The following IGLL5 variants were observed in gnomAD, a reference collection of about 807,000 sequenced individuals.
The protein encoded by IGLL5 is immunoglobulin lambda-like polypeptide 5.
A neutral mutation model predicts 20.9 loss-of-function variants in IGLL5; 30 were observed. The ratio of observed to expected loss-of-function variants is 1.44; its 90% CI spans 1.07 to 1.95. The LOEUF (loss-of-function observed/expected upper bound fraction) is 1.95, where lower values mean the gene tolerates loss of function less well. Ranked by LOEUF, IGLL5 falls within the 30% of genes most tolerant of loss-of-function variation. The probability of loss-of-function intolerance (pLI) is 0.00; values close to 1 mark genes in which losing one functional copy is unlikely to be tolerated. For missense variants in IGLL5, 475 were observed against 270.7 expected (o/e 1.75, Z -5.30); for synonymous variants, 203 against 117.3 (o/e 1.73, Z -4.72).
intron 2 of IGLL5, among the ~76,000 whole-genome samples, chr22:22,895,085 A>G (rs2066722164): frequency 6.6e-6 from 1 of 151,290 alleles, no homozygotes; most frequent in African/African-American, 2.4e-5. Context: ...GAGATCAGAG[A>G]AGAAGGAACA....
chr22:22,895,019 T>C (rs1385151258), intron 2 of IGLL5, among the ~76,000 whole-genome samples: 1 of 151,166 alleles, frequency 6.6e-6, no homozygotes, highest in African/African-American at 2.4e-5. Context: ...GAGGGGGGTA[T>C]AGGGATGGAA....
At chr22:22,893,937 CT>C (rs2067952746) in intron 2 of IGLL5, 119 bp downstream of exon 2, 3 of 773,084 alleles carry the variant, frequency 3.9e-6, no homozygotes, top group East Asian at 2.5e-5. Context: ...TGACCCTTAC[CT>C]TTCTCCATGG....
Position 22,887,940 on chromosome 22 carries a change from C to T in IGLL5, c.-114C>T, listed in dbSNP as rs1601597096. 6 of 838,832 alleles carry T rather than the reference C, an allele frequency of 7.2e-6. No homozygotes were observed. Among genetic ancestry groups the T allele is most frequent in the African/African-American group, 5.1e-5 (3 of 59,246 alleles). The allele number at this position is 838,832 out of a possible 1,614,324, so 52.0% of individuals were successfully genotyped here. ...GAGCCAGTCCAGGGAGAGGACAGAG[C>T]CAATGGACTGGGGTGTACTGTAACA... On this transcript the variant is annotated 5_prime_UTR_variant, in exon 1 of 3. Transcript: ENST00000526893.
rs148995354 is a variant in IGLL5, at chr22:22,894,648, G to C, written c.326-727G>C. ...GAGAACTCCATGGCTACCAGGTGAA[G>C]TTTGGGGTCATCACAGGCTGCTGGG... On this transcript the variant is annotated intron_variant, in intron 2 of 2. Transcript: ENST00000526893. Among the ~76,000 whole-genome samples the C allele has an allele frequency of 3.3e-5, 5 of 150,250 alleles. 1 individual carries two copies. The highest frequency in any genetic ancestry group is 2.1e-4 in the South Asian group (1 of 4,700).
At chr22:22,889,752 T>C (rs2067749785) in intron 1 of IGLL5, among the ~76,000 whole-genome samples, 1 of 151,202 alleles carries the variant, frequency 6.6e-6, no homozygotes, top group African/African-American at 2.4e-5. Flanking sequence ...TACACCTGGC[T>C]AATTTTGATT....
At chr22:22,894,190 G>C (rs950532512) in intron 2 of IGLL5, among the ~76,000 whole-genome samples, 1 of 151,526 alleles carries the variant, frequency 6.6e-6, no homozygotes, top group African/African-American at 2.4e-5. Context: ...TGCTGGGGTG[G>C]GCCTGGGAGC....
chr22:22,890,376 A>T (rs534474516), intron 1 of IGLL5, among the ~76,000 whole-genome samples: 3 of 148,072 alleles, frequency 2.0e-5, no homozygotes, highest in Admixed American at 6.8e-5. Flanking sequence ...TTGCAAAAGT[A>T]AGAGCCATAT....
At chr22:22,890,291 G>A in intron 1 of IGLL5, among the ~76,000 whole-genome samples, 1 of 145,938 alleles carries the variant, frequency 6.9e-6, no homozygotes, top group Non-Finnish European at 1.5e-5. Flanking sequence ...AACTTTTCCT[G>A]TGTGTGTGTG....
intron 1 of IGLL5, 59 bp downstream of exon 1, chr22:22,888,318 G>T: frequency 1.3e-6 from 2 of 1,493,922 alleles, no homozygotes; most frequent in Middle Eastern, 2.4e-4. Context: ...GGGAAAGGGT[G>T]ACCAAGGGGA....
chr22:22,895,546 C>G lies in IGLL5; in HGVS notation c.497C>G (p.Pro166Arg), dbSNP rs2146054618. The G allele has an allele frequency of 6.2e-7, 1 of 1,612,954 alleles. No homozygotes were observed. Among genetic ancestry groups the G allele is most frequent in the South Asian group, 1.1e-5 (1 of 91,026 alleles). Residue 166 changes from proline (P) to arginine (R), a missense_variant, in exon 3 of 3, where the codon CCC becomes CGC. Coordinates refer to ENST00000526893, the MANE Select transcript of IGLL5 (RefSeq NM_001178126.2). ...PVKAGVETTKPSKQSNNKYAA... is the reference protein window; with the variant it reads ...PVKAGVETTKRSKQSNNKYAA... ...AAGGCGGGAGTGGAGACCACCAAACCCTCCAAACAGAGCAACAACAAGTAC... is the reference window on the plus strand; with the variant it reads ...AAGGCGGGAGTGGAGACCACCAAACGCTCCAAACAGAGCAACAACAAGTAC...
chr22:22,889,396 T>G (rs2145995290), intron 1 of IGLL5, among the ~76,000 whole-genome samples: 1 of 151,200 alleles, frequency 6.6e-6, no homozygotes, highest in Admixed American at 6.6e-5. Context: ...AAAAACAAAG[T>G]GTGTTTATCT....
In IGLL5 at chr22:22,888,162, GGCCT is replaced by G. The variant is rs2067566008; in HGVS notation, c.112_115del (p.Leu38CysfsTer70). ...GCTGGGTCTGGCCATGGTCGCCCAT[GGCCT>G]GCTGCGCCCAATGGTTGCACCGCAA... On this transcript the variant is annotated frameshift_variant, in exon 1 of 3. Coordinates refer to ENST00000526893, the MANE Select transcript of IGLL5 (RefSeq NM_001178126.2). LOFTEE classifies it high-confidence loss of function. The G allele has an allele frequency of 6.5e-7, 1 of 1,549,152 alleles. No individual in the cohort carries two copies. Among genetic ancestry groups the G allele is most frequent in the African/African-American group, 1.4e-5 (1 of 72,818 alleles).
Position 22,887,884 on chromosome 22 carries a change from C to T in IGLL5, c.-170C>T, listed in dbSNP as rs2067552298. ...TCCCCAGGGGTGACAGCCATGGACC[C>T]TGGAAGGGCCTGGGCTAGGGACAGG... On this transcript the variant is annotated 5_prime_UTR_variant, in exon 1 of 3. Transcript: ENST00000526893. 1.5e-6 allele frequency: 1 copy of T among 664,798 alleles called. No individual in the cohort carries two copies. Among genetic ancestry groups the T allele is most frequent in the Middle Eastern group, 4.1e-4 (1 of 2,440 alleles). The allele number at this position is 664,798 out of a possible 1,614,324, so 41.2% of individuals were successfully genotyped here.
At chr22:22,890,385 A>T (rs2067795694) in intron 1 of IGLL5, among the ~76,000 whole-genome samples, 1 of 149,662 alleles carries the variant, frequency 6.7e-6, no homozygotes, top group African/African-American at 2.5e-5. Flanking sequence ...TAAGAGCCAT[A>T]TTCTGCATAT....
At chr22:22,889,127 T>A (rs186309365) in intron 1 of IGLL5, among the ~76,000 whole-genome samples, 1 of 150,970 alleles carries the variant, frequency 6.6e-6, no homozygotes, top group Admixed American at 6.6e-5. Flanking sequence ...CAGCACCGGA[T>A]TGGAGGCTGA....
intron 1 of IGLL5, among the ~76,000 whole-genome samples, chr22:22,889,264 GT>G: frequency 6.6e-6 from 1 of 151,170 alleles, no homozygotes; most frequent in Non-Finnish European, 1.5e-5. Context: ...CAGGGGCCCA[GT>G]TTCCTATGAA....
intron 2 of IGLL5, among the ~76,000 whole-genome samples, chr22:22,894,145 A>G (rs2067988523): frequency 2.0e-5 from 3 of 151,416 alleles, no homozygotes; most frequent in Admixed American, 6.6e-5. Flanking sequence ...CCTTAGGGAC[A>G]TTGCCCAGTG....
chr22:22,888,952 G>A lies in IGLL5; in HGVS notation c.206+693G>A, dbSNP rs113565330. Among the ~76,000 whole-genome samples, 67 of 151,430 alleles carry A rather than the reference G, an allele frequency of 4.4e-4. 1 individual carries two copies. Among genetic ancestry groups the A allele is most frequent in the African/African-American group, 1.5e-3 (62 of 41,324 alleles). On this transcript the variant is annotated intron_variant, in intron 1 of 2. Transcript: ENST00000526893. ...GGGTGCCCCCAAAAGACAGAGCAGC[G>A]TCAGAGGAGAGGAGAGCACAGGATG...
intron 1 of IGLL5, among the ~76,000 whole-genome samples, chr22:22,888,776 G>C (rs543181302): frequency 2.6e-5 from 4 of 151,438 alleles, no homozygotes; most frequent in East Asian, 4.1e-4. Context: ...CCAGGCTCAA[G>C]GACACAGGGA....
Sources: gnomAD v4.1 joint callset for allele counts (sites outside exome capture counted in the v4.1 genomes callset) on GRCh38, gnomAD v4.1.1 for gene constraint, MANE v1.5 for transcripts, NCBI Gene and HGNC (gene_info 2026-07-23, HGNC 2026-07-21) for gene names.